Variants in CADM2 observed in about 807,000 individuals in gnomAD.
CADM2 encodes immunoglobulin superfamily member 4D.
CADM2 carries 12 observed loss-of-function variants against 49.8 expected under a neutral mutation model. The observed-to-expected ratio is 0.24, with a 90% CI of 0.15 to 0.39. The LOEUF (loss-of-function observed/expected upper bound fraction) is 0.39. Ranked by LOEUF, CADM2 falls within the 10% of genes least tolerant of loss-of-function variation. The probability of loss-of-function intolerance (pLI) is 1.00; values close to 1 mark genes in which losing one functional copy is unlikely to be tolerated. For missense variants in CADM2, 378 were observed against 492.3 expected, an observed-to-expected ratio of 0.77 and a Z score of 2.20; for synonymous variants, 214 against 175.4, an observed-to-expected ratio of 1.22 and a Z score of -1.74.
At chr3:85,140,195 G>A (rs762956046) in intron 1 of CADM2, among the ~76,000 whole-genome samples, 3 of 152,092 alleles carry the variant, frequency 2.0e-5, no homozygotes, top group African/African-American at 7.2e-5. Flanking sequence ...CTTGGATCAC[G>A]TACAGTTACT....
chr3:85,947,818 A>T (rs1722928289), intron 7 of CADM2, among the ~76,000 whole-genome samples: 1 of 151,550 alleles, frequency 6.6e-6, no homozygotes, highest in Admixed American at 6.6e-5. Flanking sequence ...TTTCAATTAA[A>T]TGTTCCAATG....
intron 8 of CADM2, among the ~76,000 whole-genome samples, chr3:85,972,403 C>T (rs1726266320): frequency 6.6e-6 from 1 of 151,704 alleles, no homozygotes; most frequent in Admixed American, 6.6e-5. Flanking sequence ...TCTACATCTC[C>T]ACTAATAACT....
intron 1 of CADM2, among the ~76,000 whole-genome samples, chr3:85,321,116 A>ATATATATATT (rs2044596196): frequency 3.6e-5 from 1 of 27,502 alleles, no homozygotes; most frequent in Non-Finnish European, 6.5e-5. Flanking sequence ...ATATATATAT[A>ATATATATATT]TTTTTTTTTT....
intron 8 of CADM2, among the ~76,000 whole-genome samples, chr3:86,042,928 T>C (rs6781407): frequency 0.7 from 106,120 of 152,054 alleles, 38,692 homozygotes; most frequent in African/African-American, 0.92. Context: ...GTTCAACATA[T>C]GCAAATCAAT....
chr3:85,020,453 G>T (rs996445228), intron 1 of CADM2, among the ~76,000 whole-genome samples: 5 of 151,928 alleles, frequency 3.3e-5, no homozygotes, highest in African/African-American at 1.2e-4. Flanking sequence ...AATCAAATTT[G>T]AAATAAAAAT....
intron 1 of CADM2, among the ~76,000 whole-genome samples, chr3:85,563,111 C>T (rs2062146222): frequency 6.6e-6 from 1 of 151,990 alleles, no homozygotes; most frequent in African/African-American, 2.4e-5. Context: ...GAAAATTTTA[C>T]TGGAGTGTAA....
chr3:85,693,723 CAAA>C (rs397807084), intron 1 of CADM2, among the ~76,000 whole-genome samples: 4 of 66,554 alleles, frequency 6.0e-5, no homozygotes, highest in African/African-American at 1.9e-4. Flanking sequence ...ACGTATCTAC[CAAA>C]AAAAAAAAAA....
intron 1 of CADM2, among the ~76,000 whole-genome samples, chr3:85,721,328 A>G (rs1035912991): frequency 7.2e-5 from 11 of 152,140 alleles, no homozygotes; most frequent in African/African-American, 2.4e-4. Context: ...TGAAGTTGTT[A>G]TGGGATCTTT....
At chr3:85,137,888 A>C (rs1439313027) in intron 1 of CADM2, among the ~76,000 whole-genome samples, 1 of 152,084 alleles carries the variant, frequency 6.6e-6, no homozygotes, top group Non-Finnish European at 1.5e-5. Flanking sequence ...AAACTTTTAA[A>C]TATATGTTAT....
intron 1 of CADM2, among the ~76,000 whole-genome samples, chr3:85,172,357 A>T (rs186006061): frequency 6.6e-6 from 1 of 152,370 alleles, no homozygotes; most frequent in East Asian, 1.9e-4. Context: ...ATATGAAAGC[A>T]ATTCGGGGAC....
chr3:85,522,672 A>C (rs947494410), intron 1 of CADM2, among the ~76,000 whole-genome samples: 3 of 152,136 alleles, frequency 2.0e-5, no homozygotes, highest in African/African-American at 7.2e-5. Flanking sequence ...TCCACCAAGA[A>C]ATCAAGAAGC....
chr3:85,280,988 A>G (rs1407986964), intron 1 of CADM2, among the ~76,000 whole-genome samples: 1 of 151,904 alleles, frequency 6.6e-6, no homozygotes, highest in Non-Finnish European at 1.5e-5. Flanking sequence ...TCTATTGTAG[A>G]TAAGTTCAGG....
chr3:85,014,561 A>G (rs536859029), intron 1 of CADM2, among the ~76,000 whole-genome samples: 35 of 152,288 alleles, frequency 2.3e-4, no homozygotes, highest in African/African-American at 7.9e-4. Context: ...CATGAATGAG[A>G]GGAGACTAGT....
chr3:85,809,058 C>T (rs575811639), intron 3 of CADM2, among the ~76,000 whole-genome samples: 11 of 152,178 alleles, frequency 7.2e-5, no homozygotes, highest in Admixed American at 2.6e-4. Context: ...CTACTATTAC[C>T]CTTCTTTTGT....
chr3:85,617,354 T>G (rs1051614427), intron 1 of CADM2, among the ~76,000 whole-genome samples: 2 of 152,112 alleles, frequency 1.3e-5, no homozygotes, highest in Admixed American at 1.3e-4. Flanking sequence ...TACAAAGATA[T>G]TTTAAAGCAT....
At chr3:85,511,124 G>T (rs573513480) in intron 1 of CADM2, among the ~76,000 whole-genome samples, 3 of 151,898 alleles carry the variant, frequency 2.0e-5, no homozygotes, top group African/African-American at 7.3e-5. Flanking sequence ...AAACTACCCC[G>T]GTTTAAAAGC....
intron 1 of CADM2, among the ~76,000 whole-genome samples, chr3:85,469,874 A>G (rs2038689697): frequency 6.6e-6 from 1 of 152,144 alleles, no homozygotes; most frequent in African/African-American, 2.4e-5. Context: ...TGAGTATTAT[A>G]AGGATGGACA....
At chr3:85,801,986 T>TGGG in intron 2 of CADM2, 61 bp from the exon 3 acceptor site, 1 of 1,415,018 alleles carries the variant, frequency 7.1e-7, no homozygotes, top group Non-Finnish European at 9.7e-7. Context: ...AGTGTAGATC[T>TGGG]TAGGCAGTTA....
chr3:85,401,221 G>A (rs1434453558), intron 1 of CADM2, among the ~76,000 whole-genome samples: 1 of 152,132 alleles, frequency 6.6e-6, no homozygotes, highest in Non-Finnish European at 1.5e-5. Flanking sequence ...CCGTGGACTG[G>A]CCTCAGCTAA....
Sources: allele counts gnomAD v4.1 joint callset (sites outside exome capture counted in the v4.1 genomes callset), GRCh38; gene constraint gnomAD v4.1.1; transcripts MANE v1.5; gene names NCBI Gene and HGNC (gene_info 2026-07-23, HGNC 2026-07-21).